Variants in STPG4 observed in about 807,000 individuals in gnomAD.
STPG4 encodes the protein sperm-tail PG-rich repeat containing 4.
A neutral mutation model predicts 31.5 loss-of-function variants in STPG4; 41 were observed. The ratio of observed to expected loss-of-function variants is 1.30; its 90% CI spans 1.01 to 1.69. STPG4 has a LOEUF of 1.69. Among genes scored for constraint, STPG4 ranks in the 40% most tolerant of loss-of-function variants. The pLI, the probability that STPG4 is intolerant of heterozygous loss-of-function variation, is 0.00. For missense variants in STPG4, 375 were observed against 293.4 expected, an observed-to-expected ratio of 1.28 and a Z score of -2.03; for synonymous variants, 141 against 103.0, an observed-to-expected ratio of 1.37 and a Z score of -2.24.
At chr2:47,097,755 G>T (rs1685701318) in intron 5 of STPG4, among the ~76,000 whole-genome samples, 1 of 152,130 alleles carries the variant, frequency 6.6e-6, no homozygotes, top group Non-Finnish European at 1.5e-5. Context: ...ACAGCAGCAG[G>T]AATGGACTAA....
intron 5 of STPG4, among the ~76,000 whole-genome samples, chr2:47,101,846 C>T (rs890006255): frequency 4.6e-5 from 7 of 151,916 alleles, no homozygotes; most frequent in African/African-American, 1.5e-4. Context: ...TATGGCCCTC[C>T]ACTTCATTTT....
At chr2:47,089,042 T>C (rs573643713) in intron 6 of STPG4, among the ~76,000 whole-genome samples, 1 of 152,296 alleles carries the variant, frequency 6.6e-6, no homozygotes, top group Admixed American at 6.5e-5. Context: ...TCTGGTTGTC[T>C]TCAGCTTCCA....
chr2:47,152,895 T>C lies in STPG4; in HGVS notation c.141+62A>G, dbSNP rs1686965130. ...TTAGTGTTAGTCTTAAAAGCTATAA[T>C]TGATTAAAATATTAATGGAATAGGA... On this transcript the variant is annotated intron_variant, in intron 2 of 6. Transcript: ENST00000445927. 3 of 1,233,092 alleles carry C rather than the reference T, an allele frequency of 2.4e-6. No homozygotes were observed. The Admixed American group carries it at 5.9e-5, about 24-fold the overall frequency. The allele number at this position is 1,233,092 out of a possible 1,614,324, so 76.4% of individuals were successfully genotyped here. A position where few individuals can be genotyped will look rare whatever the true frequency, so the allele number is the denominator to read the frequency against.
intron 3 of STPG4, among the ~76,000 whole-genome samples, chr2:47,144,270 G>A (rs1176087514): frequency 6.6e-5 from 10 of 152,180 alleles, no homozygotes; most frequent in East Asian, 1.9e-4. Flanking sequence ...AATGCATCTC[G>A]AAAGACACAG....
chr2:47,148,981 C>T (rs1236872923), intron 3 of STPG4, among the ~76,000 whole-genome samples: 1 of 152,152 alleles, frequency 6.6e-6, no homozygotes, highest in Non-Finnish European at 1.5e-5. Flanking sequence ...GCTATTCTAG[C>T]TTAATGTATA....
rs193185613 is a variant in STPG4, at chr2:47,137,761, A to G, written c.400-7501T>C. Among the ~76,000 whole-genome samples the G allele has an allele frequency of 3.3e-4, 50 of 152,310 alleles. 1 individual carries two copies. The highest frequency in any genetic ancestry group is 2.3e-3 in the Admixed American group (35 of 15,292). On this transcript the variant is annotated intron_variant, in intron 3 of 6. Coordinates refer to ENST00000445927, the MANE Select transcript of STPG4 (RefSeq NM_001163561.2). ...TCTAGGTAATCAAATTTGTGGAAATAGGGTTATTCAGAATATTCCTTTACT... is the reference window on the plus strand; with the variant it reads ...TCTAGGTAATCAAATTTGTGGAAATGGGGTTATTCAGAATATTCCTTTACT...
intron 3 of STPG4, among the ~76,000 whole-genome samples, chr2:47,141,340 A>C (rs1328999319): frequency 6.7e-6 from 1 of 149,876 alleles, no homozygotes; most frequent in East Asian, 1.9e-4. Context: ...AAAAAAAAAA[A>C]AGAAGAAAGA....
intron 6 of STPG4, among the ~76,000 whole-genome samples, chr2:47,087,476 G>A (rs769631731): frequency 2.0e-5 from 3 of 152,202 alleles, no homozygotes; most frequent in Non-Finnish European, 2.9e-5. Flanking sequence ...CCTATCCCGA[G>A]GAATGCCATC....
At chr2:47,138,086 CTTCTT>C (rs1384111284) in intron 3 of STPG4, among the ~76,000 whole-genome samples, 1 of 151,906 alleles carries the variant, frequency 6.6e-6, no homozygotes, top group East Asian at 1.9e-4. Context: ...TTTGGTTTTT[CTTCTT>C]TTCTAATACA....
chr2:47,106,204 C>G lies in STPG4; in HGVS notation c.520-15830G>C, dbSNP rs765183187. Among the ~76,000 whole-genome samples the G allele has an allele frequency of 1.1e-4, 17 of 151,936 alleles. 1 individual carries two copies. Among genetic ancestry groups the G allele is most frequent in the African/African-American group, 1.9e-4 (8 of 41,230 alleles). Reference sequence around the variant, plus strand: ...TTCCTTTAAAAGCCAGGGTAAATTTCTGTCTACCCAGCCAAGGCATATTTT... The same window carrying G: ...TTCCTTTAAAAGCCAGGGTAAATTTGTGTCTACCCAGCCAAGGCATATTTT... On this transcript the variant is annotated intron_variant, in intron 5 of 6. Coordinates refer to ENST00000445927, the MANE Select transcript of STPG4 (RefSeq NM_001163561.2).
intron 3 of STPG4, among the ~76,000 whole-genome samples, chr2:47,150,850 G>T (rs958150827): frequency 1.4e-4 from 22 of 151,902 alleles, no homozygotes; most frequent in African/African-American, 5.3e-4. Flanking sequence ...GCTTCCCTGT[G>T]GTATGTAGTT....
rs57475505 is a variant in STPG4, at chr2:47,127,252, C to CTTTTTTTTTTTTTTT, written c.519+2674_519+2688dup. Among the ~76,000 whole-genome samples the CTTTTTTTTTTTTTTT allele has an allele frequency of 2.5e-3, 141 of 57,470 alleles. 29 individuals are homozygous for CTTTTTTTTTTTTTTT. Among genetic ancestry groups the CTTTTTTTTTTTTTTT allele is most frequent in the African/African-American group, 4.7e-3 (45 of 9,674 alleles). 37.7% of individuals were successfully genotyped at this position (57,470 alleles called of 152,430 possible). A position where few individuals can be genotyped will look rare whatever the true frequency, so the allele number is the denominator to read the frequency against. On this transcript the variant is annotated intron_variant, in intron 5 of 6. Coordinates refer to ENST00000445927, the MANE Select transcript of STPG4 (RefSeq NM_001163561.2). Reference sequence around the variant, plus strand: ...CAAATAGCTTGTCTTCAAGCTAATTCTTTTTTTTTTTTTTTTTTTTTTTTT... The same window carrying CTTTTTTTTTTTTTTT: ...CAAATAGCTTGTCTTCAAGCTAATTCTTTTTTTTTTTTTTTTTTTTTTTTTTTTTTTTTTTTTTTT...
intron 5 of STPG4, among the ~76,000 whole-genome samples, chr2:47,123,296 AAC>A (rs1317312969): frequency 6.6e-6 from 1 of 152,220 alleles, no homozygotes; most frequent in Non-Finnish European, 1.5e-5. Flanking sequence ...AAAGGAAAGA[AAC>A]AGAGAGGTGC....
intron 3 of STPG4, among the ~76,000 whole-genome samples, chr2:47,133,589 T>TTTTTTG: frequency 7.1e-6 from 1 of 139,874 alleles, no homozygotes; most frequent in Non-Finnish European, 1.5e-5. Context: ...TTTTTTTTTT[T>TTTTTTG]TTTTTGAGAC....
chr2:47,124,446 C>T (rs1029416764), intron 5 of STPG4, among the ~76,000 whole-genome samples: 8 of 152,032 alleles, frequency 5.3e-5, no homozygotes, highest in African/African-American at 1.7e-4. Flanking sequence ...TGGTATCCAT[C>T]CTTCTACTCT....
Position 47,096,405 on chromosome 2 carries a change from C to T in STPG4, c.520-6031G>A, listed in dbSNP as rs561970385. Among the ~76,000 whole-genome samples the T allele has an allele frequency of 1.1e-4, 17 of 152,192 alleles. 1 individual carries two copies. In the South Asian group the frequency reaches 3.5e-3, roughly 32 times the overall value. Reference sequence around the variant, plus strand: ...AAATGGGCAGGGCCTCGAGGACAAGCCTAGAGAGAAGGATGTTATTCACTT... The same window carrying T: ...AAATGGGCAGGGCCTCGAGGACAAGTCTAGAGAGAAGGATGTTATTCACTT... On this transcript the variant is annotated intron_variant, in intron 5 of 6. Transcript: ENST00000445927.
At chr2:47,099,981 C>T (rs369935533) in intron 5 of STPG4, among the ~76,000 whole-genome samples, 5 of 152,248 alleles carry the variant, frequency 3.3e-5, no homozygotes, top group African/African-American at 4.8e-5. Context: ...GGGCAGGGCT[C>T]GGGACCTGCA....
At chr2:47,115,126 T>C (rs979234853) in intron 5 of STPG4, among the ~76,000 whole-genome samples, 3 of 152,238 alleles carry the variant, frequency 2.0e-5, no homozygotes, top group Admixed American at 6.5e-5. Context: ...CCTCATTTTT[T>C]TTCACTTGCA....
chr2:47,129,896 T>G (rs754666042), intron 5 of STPG4, 45 bp downstream of exon 5: 2 of 1,598,534 alleles, frequency 1.3e-6, no homozygotes, highest in African/African-American at 1.4e-5. Context: ...CAGCGTATTT[T>G]AAACATCAAA....
Sources: gnomAD v4.1 joint callset for allele counts (sites outside exome capture counted in the v4.1 genomes callset) on GRCh38, gnomAD v4.1.1 for gene constraint, MANE v1.5 for transcripts, NCBI Gene and HGNC (gene_info 2026-07-23, HGNC 2026-07-21) for gene names.